The following RUFY2 variants were observed in gnomAD, a reference collection of about 807,000 sequenced individuals.
RUFY2 encodes RUN and FYVE domain containing 2.
Under a neutral mutation model 94.4 loss-of-function variants are expected in RUFY2, and 49 were observed. The observed-to-expected ratio is 0.52, with a 90% confidence interval of 0.41 to 0.66. The LOEUF is 0.66. Among genes scored for constraint, RUFY2 ranks in the 30% least tolerant of loss-of-function variants. RUFY2 has a pLI of 0.00. For missense variants in RUFY2, 541 were observed against 692.8 expected (o/e 0.78, Z 2.46); for synonymous variants, 255 against 235.7 (o/e 1.08, Z -0.75).
downstream of RUFY2, chr10:68,341,993 G>T: frequency 6.2e-7 from 1 of 1,614,072 alleles, no homozygotes; most frequent in Non-Finnish European, 8.5e-7. Context: ...GGTGGTGGAG[G>T]CAGTGGAGGT....
Position 68,405,376 on chromosome 10 carries a change from C to T in RUFY2, c.5-532G>A, listed in dbSNP as rs965135789. ...AAGAAAATTTCCATGACCACTCCAG[C>T]CAAAGTTAATGAATTATTCTCAAGA... On this transcript the variant is annotated intron_variant, in intron 1 of 17. Transcript: ENST00000602465. 11 of 691,650 alleles carry T rather than the reference C, an allele frequency of 1.6e-5. No homozygotes were observed. The African/African-American group carries it at 2.2e-4, about 14-fold the overall frequency. 42.8% of individuals were successfully genotyped at this position (691,650 alleles called of 1,614,324 possible).
At chr10:68,385,418 A>T (rs10998104) in intron 8 of RUFY2, among the ~76,000 whole-genome samples, 3,341 of 152,230 alleles carry the variant, frequency 0.022, 55 homozygotes, top group Non-Finnish European at 0.033. Context: ...CAACTCTACA[A>T]AAAAGAGAGC....
Position 68,345,769 on chromosome 10 carries a change from CAG to C in RUFY2, c.1818_1819del (p.Ter607ArgfsTer5), listed in dbSNP as rs1564768564. On this transcript the variant is annotated frameshift_variant and stop_lost, in exon 18 of 18. Transcript: ENST00000602465. LOFTEE classifies it high-confidence loss of function. Reference sequence around the variant, plus strand: ...ACATAAGGATTTAGTTCTGGAGTCTCAGGGCAAGTTAGATGAGCATCTCTGAA... The same window carrying C: ...ACATAAGGATTTAGTTCTGGAGTCTCGGCAAGTTAGATGAGCATCTCTGAA... The C allele has an allele frequency of 1.2e-6, 2 of 1,610,792 alleles. No individual in the cohort carries two copies. The highest frequency in any genetic ancestry group is 1.7e-6 in the Non-Finnish European group (2 of 1,178,266).
At chr10:68,379,019 T>G in intron 12 of RUFY2, 1 of 276,414 alleles carries the variant, frequency 3.6e-6, no homozygotes. Flanking sequence ...AAACCACCAA[T>G]TCGGAATGCT....
At chr10:68,352,054 C>CAA (rs147046243) in intron 16 of RUFY2, among the ~76,000 whole-genome samples, 2 of 93,444 alleles carry the variant, frequency 2.1e-5, no homozygotes, top group African/African-American at 8.0e-5. Context: ...AAGACTGTCT[C>CAA]AAAAAAAAAA....
In RUFY2 at chr10:68,400,712, TA is replaced by T. The variant is rs561646469; in HGVS notation, c.296+907del. Among the ~76,000 whole-genome samples, 108 of 137,224 alleles carry T rather than the reference TA, an allele frequency of 7.9e-4. 1 individual carries two copies. Among genetic ancestry groups the T allele is most frequent in the African/African-American group, 1.7e-3 (61 of 36,864 alleles). The allele number at this position is 137,224 out of a possible 152,430, so 90.0% of individuals were successfully genotyped here. A position where few individuals can be genotyped will look rare whatever the true frequency, so the allele number is the denominator to read the frequency against. Reference sequence around the variant, plus strand: ...AGAAAATAAAAATTAAAAAGAAAACTAAAAAAAAAAAGAATATAGGCTTGGC... The same window carrying T: ...AGAAAATAAAAATTAAAAAGAAAACTAAAAAAAAAAGAATATAGGCTTGGC... On this transcript the variant is annotated intron_variant, in intron 3 of 17. Transcript: ENST00000602465.
chr10:68,358,917 G>A (rs577277282), intron 15 of RUFY2, among the ~76,000 whole-genome samples: 20 of 152,068 alleles, frequency 1.3e-4, no homozygotes, highest in African/African-American at 4.1e-4. Flanking sequence ...TCTTATGCCC[G>A]GCCTAGGAAA....
intron 8 of RUFY2, among the ~76,000 whole-genome samples, chr10:68,384,905 C>T (rs2049362458): frequency 6.6e-6 from 1 of 152,112 alleles, no homozygotes; most frequent in Admixed American, 6.6e-5. Flanking sequence ...GCCCAACCAT[C>T]AAAATAAAGA....
chr10:68,405,142 G>A (rs1185997206), intron 1 of RUFY2, among the ~76,000 whole-genome samples: 2 of 151,830 alleles, frequency 1.3e-5, no homozygotes, highest in East Asian at 1.9e-4. Flanking sequence ...GTGAAACCCC[G>A]TCTCTACTAA....
At chr10:68,383,273 C>T (rs961183818) in intron 10 of RUFY2, among the ~76,000 whole-genome samples, 2 of 152,074 alleles carry the variant, frequency 1.3e-5, no homozygotes, top group Non-Finnish European at 2.9e-5. Context: ...TGCAGTGAGC[C>T]AAGATCGCAC....
At chr10:68,385,278 T>A (rs1181404109) in intron 8 of RUFY2, among the ~76,000 whole-genome samples, 2 of 146,528 alleles carry the variant, frequency 1.4e-5, no homozygotes, top group South Asian at 2.2e-4. Flanking sequence ...AAAAAAAAAA[T>A]TTAGGCTAAT....
intron 16 of RUFY2, among the ~76,000 whole-genome samples, chr10:68,349,544 A>C (rs1456826634): frequency 1.3e-5 from 2 of 151,632 alleles, no homozygotes; most frequent in Non-Finnish European, 2.9e-5. Context: ...AAAGAAAAAA[A>C]AATTTTTTTT....
At chr10:68,393,284 T>C in intron 6 of RUFY2, 81 bp from the exon 7 acceptor site, 1 of 651,744 alleles carries the variant, frequency 1.5e-6, no homozygotes, top group South Asian at 2.2e-5. Context: ...TCTAAAATTA[T>C]TATAAAACTA....
rs534979167 is a variant in RUFY2, at chr10:68,343,932, T to A, written c.*1836A>T. On this transcript the variant is annotated 3_prime_UTR_variant, in exon 18 of 18. Transcript: ENST00000602465. ...TGTTGAATGAAATTAGCCTTGGAAT[T>A]TAAGCAACTTAAGTCACATTTTAAA... 1 of 152,262 alleles carries A rather than the reference T, an allele frequency of 6.6e-6. No homozygotes were observed. Among genetic ancestry groups the A allele is most frequent in the South Asian group, 2.1e-4 (1 of 4,824 alleles). The allele number at this position is 152,262 out of a possible 1,614,324, so 9.4% of individuals were successfully genotyped here.
intron 15 of RUFY2, among the ~76,000 whole-genome samples, chr10:68,360,264 C>T (rs931970666): frequency 4.6e-5 from 7 of 151,054 alleles, no homozygotes; most frequent in African/African-American, 1.7e-4. Flanking sequence ...ATAGTGAGAC[C>T]CCGCCTCCAT....
At chr10:68,380,850 A>G (rs372444997) in intron 11 of RUFY2, among the ~76,000 whole-genome samples, 62 of 152,276 alleles carry the variant, frequency 4.1e-4, no homozygotes, top group African/African-American at 1.5e-3. Context: ...CAACAGAGCG[A>G]GACTCCATCT....
chr10:68,401,190 A>G (rs2050819137), intron 3 of RUFY2, among the ~76,000 whole-genome samples: 1 of 152,212 alleles, frequency 6.6e-6, no homozygotes, highest in Non-Finnish European at 1.5e-5. Flanking sequence ...AAGCAAAGAA[A>G]TGTACACCAG....
At chr10:68,366,067 C>G (rs1439949615) in intron 13 of RUFY2, among the ~76,000 whole-genome samples, 1 of 152,018 alleles carries the variant, frequency 6.6e-6, no homozygotes, top group Non-Finnish European at 1.5e-5. Flanking sequence ...TGGCTCATGC[C>G]TGTAATCACA....
At chr10:68,399,526 G>A (rs1352035062) in intron 3 of RUFY2, among the ~76,000 whole-genome samples, 1 of 152,144 alleles carries the variant, frequency 6.6e-6, no homozygotes, top group Non-Finnish European at 1.5e-5. Flanking sequence ...CTCTAACACA[G>A]TGCTCAACAG....
Sources: allele counts gnomAD v4.1 joint callset (sites outside exome capture counted in the v4.1 genomes callset), GRCh38; gene constraint gnomAD v4.1.1; transcripts MANE v1.5; gene names NCBI Gene and HGNC (gene_info 2026-07-23, HGNC 2026-07-21).